Variants in TRAPPC8 observed in about 807,000 individuals in gnomAD.
TRAPPC8 encodes trafficking protein particle complex subunit 8.
In TRAPPC8, 54 loss-of-function variants were observed where a neutral mutation model predicts 174.3. The ratio of observed to expected loss-of-function variants is 0.31; its 90% CI spans 0.25 to 0.39. The LOEUF (loss-of-function observed/expected upper bound fraction) is 0.39, where lower values mean the gene tolerates loss of function less well. Ranked by LOEUF, TRAPPC8 falls within the 10% of genes least tolerant of loss-of-function variation. The pLI is 1.00. For synonymous variants in TRAPPC8, 630 were observed against 579.9 expected, an observed-to-expected ratio of 1.09 and a Z score of -1.24; for missense variants, 1,531 against 1,699.1, an observed-to-expected ratio of 0.90 and a Z score of 1.74.
intron 11 of TRAPPC8, among the ~76,000 whole-genome samples, chr18:31,894,129 A>T (rs2036086163): frequency 6.6e-6 from 1 of 152,104 alleles, no homozygotes; most frequent in South Asian, 2.1e-4. Context: ...CAAAATTTTG[A>T]CTCTTGCATG....
chr18:31,863,722 G>C (rs1371178214), intron 19 of TRAPPC8, among the ~76,000 whole-genome samples: 2 of 152,094 alleles, frequency 1.3e-5, no homozygotes, highest in Non-Finnish European at 2.9e-5. Flanking sequence ...TTGAGGATGT[G>C]GGAGGAAGGG....
At chr18:31,890,357 A>AT (rs886807094) in intron 12 of TRAPPC8, among the ~76,000 whole-genome samples, 3 of 152,192 alleles carry the variant, frequency 2.0e-5, no homozygotes, top group South Asian at 2.1e-4. Flanking sequence ...AAAGAGCAGG[A>AT]TTTTTTTAAA....
In TRAPPC8 at chr18:31,908,408, C is replaced by T; in HGVS notation, c.1133G>A (p.Arg378Lys). The stretch of plus-strand genomic sequence containing the variant: ...AAATAGAGATCGACTCAAACCTTTT[C>T]TTGATATTAGCTTTAAAAAAGAGAT... ...IRQLNDQLISRKGLSRSLFSA... is the reference protein window; with the variant it reads ...IRQLNDQLISKKGLSRSLFSA... The change falls in exon 8 of 29, where the codon AGA (arginine) becomes AAA (lysine). Residue 378 changes from arginine (R) to lysine (K), a missense_variant. Coordinates refer to ENST00000283351, the MANE Select transcript of TRAPPC8 (RefSeq NM_014939.5). 2 of 1,577,202 alleles carry T rather than the reference C, an allele frequency of 1.3e-6. No homozygotes were observed. Among genetic ancestry groups the T allele is most frequent in the Middle Eastern group, 3.4e-4 (2 of 5,908 alleles).
intron 12 of TRAPPC8, among the ~76,000 whole-genome samples, chr18:31,878,772 G>A (rs74445579): frequency 2.9e-3 from 448 of 152,178 alleles, no homozygotes; most frequent in African/African-American, 9.2e-3. Context: ...AAGTCAAGGG[G>A]TGGAGAAAGA....
At position 31,900,965 on chromosome 18, in the gene TRAPPC8, A is replaced by G; in HGVS notation, c.1450T>C (p.Tyr484His). ...TATGTCTGAATTGCTGTATCCATGTAATGAGCAGGATATGGCCTAGGTGCT... is the reference window on the plus strand; with the variant it reads ...TATGTCTGAATTGCTGTATCCATGTGATGAGCAGGATATGGCCTAGGTGCT... ...PGAPRPYPAHYMDTAIQTYRD... is the reference protein window; with the variant it reads ...PGAPRPYPAHHMDTAIQTYRD... Residue 484 changes from tyrosine (Y) to histidine (H), a missense_variant, in exon 10 of 29, where the codon TAC becomes CAC. Coordinates refer to ENST00000283351, the MANE Select transcript of TRAPPC8 (RefSeq NM_014939.5). The G allele has an allele frequency of 6.3e-7, 1 of 1,595,148 alleles. No homozygotes were observed. Among genetic ancestry groups the G allele is most frequent in the Non-Finnish European group, 8.5e-7 (1 of 1,174,906 alleles).
intron 1 of TRAPPC8, among the ~76,000 whole-genome samples, chr18:31,940,655 C>A (rs983443747): frequency 1.3e-5 from 2 of 151,832 alleles, no homozygotes; most frequent in African/African-American, 4.8e-5. Context: ...CCCACCACCA[C>A]GCCCAGCTAA....
chr18:31,883,887 CTG>C (rs1251142688), intron 12 of TRAPPC8, among the ~76,000 whole-genome samples: 3 of 152,126 alleles, frequency 2.0e-5, no homozygotes, highest in African/African-American at 7.2e-5. Context: ...ATAATAATGA[CTG>C]TGAAAAACCA....
In TRAPPC8 at chr18:31,934,437, T is replaced by TTAAA. The variant is rs1474723602; in HGVS notation, c.158-2918_158-2915dup. 5.3e-5 allele frequency among the ~76,000 whole-genome samples: 8 copies of TTAAA among 152,250 alleles called. No homozygotes were observed. In the East Asian group the frequency reaches 1.5e-3, roughly 29 times the overall value. On this transcript the variant is annotated intron_variant, in intron 1 of 28. Transcript: ENST00000283351. ...TTCTATAACTGTTATGTTTTCTAAC[T>TTAAA]TAAATAAACATACCAGCCTCTCTCC...
At chr18:31,865,685 T>C (rs1445561158) in intron 18 of TRAPPC8, among the ~76,000 whole-genome samples, 3 of 151,814 alleles carry the variant, frequency 2.0e-5, no homozygotes, top group South Asian at 4.1e-4. Context: ...AACCATAAAT[T>C]TGTGTACTAG....
At chr18:31,893,794 CTAT>C (rs1363220575) in intron 11 of TRAPPC8, among the ~76,000 whole-genome samples, 1 of 152,022 alleles carries the variant, frequency 6.6e-6, no homozygotes, top group African/African-American at 2.4e-5. Flanking sequence ...TTTCTTAAGT[CTAT>C]TCTTAGCACA....
At chr18:31,904,964 A>G (rs1161775462) in intron 9 of TRAPPC8, among the ~76,000 whole-genome samples, 1 of 151,352 alleles carries the variant, frequency 6.6e-6, no homozygotes, top group Non-Finnish European at 1.5e-5. Flanking sequence ...CAGGAGGTGG[A>G]GGATGCAGTG....
chr18:31,892,819 G>A (rs947352085), intron 11 of TRAPPC8, among the ~76,000 whole-genome samples: 6 of 151,974 alleles, frequency 3.9e-5, no homozygotes, highest in Non-Finnish European at 7.4e-5. Context: ...GAGCCAAAGC[G>A]TTCAAGACCA....
intron 27 of TRAPPC8, among the ~76,000 whole-genome samples, chr18:31,836,556 G>A (rs974008237): frequency 2.6e-5 from 4 of 152,068 alleles, no homozygotes; most frequent in Admixed American, 2.6e-4. Context: ...TAGAAGATTG[G>A]GTTAAAATGA....
chr18:31,880,090 A>ATATATATATAT (rs1555668934), intron 12 of TRAPPC8, among the ~76,000 whole-genome samples: 1 of 85,356 alleles, frequency 1.2e-5, no homozygotes. Flanking sequence ...TGAAAAAAAA[A>ATATATATATAT]ATATATATAT....
intron 2 of TRAPPC8, among the ~76,000 whole-genome samples, chr18:31,919,403 C>A (rs941927058): frequency 1.3e-5 from 2 of 151,548 alleles, no homozygotes; most frequent in African/African-American, 4.9e-5. Context: ...CATGGTGGCG[C>A]CCTTGTGCAA....
intron 12 of TRAPPC8, among the ~76,000 whole-genome samples, chr18:31,889,932 C>T (rs1292109682): frequency 2.0e-5 from 3 of 152,090 alleles, no homozygotes; most frequent in African/African-American, 4.8e-5. Context: ...TTAGCACAGA[C>T]TTAGAAAAAT....
rs192874768 is a variant in TRAPPC8, at chr18:31,857,841, T to C, written c.2887A>G (p.Asn963Asp). Residue 963 changes from asparagine (N) to aspartate (D), a missense_variant, in exon 20 of 29, where the codon AAT (asparagine) becomes GAT (aspartate). Asn to Asp is a conservative substitution (Grantham distance 23). Transcript: ENST00000283351. ...CTTAGTGGTGTTAGAACAGCAGTAT[T>C]ACCACCGAAAGTAAAGAACTCTGGA... ...KRPEFFTFGGNTAVLTPLSPS... is the reference protein window; with the variant it reads ...KRPEFFTFGGDTAVLTPLSPS... The C allele has an allele frequency of 1.9e-6, 3 of 1,614,198 alleles. No homozygotes were observed. The highest frequency in any genetic ancestry group is 1.1e-5 in the South Asian group (1 of 91,080).
chr18:31,916,382 T>TTC lies in TRAPPC8; in HGVS notation c.505_506dup (p.Gln170AsnfsTer31). ...CACTGTTGTGCTGAATTCGATGCTGTTCTTGTGACAACTTTGAAAACTGTT... is the reference window on the plus strand; with the variant it reads ...CACTGTTGTGCTGAATTCGATGCTGTTCTCTTGTGACAACTTTGAAAACTGTT... On this transcript the variant is annotated frameshift_variant, in exon 4 of 29. Transcript: ENST00000283351. LOFTEE classifies it high-confidence loss of function. The TTC allele has an allele frequency of 6.2e-7, 1 of 1,613,990 alleles. No individual in the cohort carries two copies. The highest frequency in any genetic ancestry group is 8.5e-7 in the Non-Finnish European group (1 of 1,179,944).
At chr18:31,846,143 T>C (rs111343328) in intron 26 of TRAPPC8, among the ~76,000 whole-genome samples, 1 of 152,214 alleles carries the variant, frequency 6.6e-6, no homozygotes, top group Non-Finnish European at 1.5e-5. Flanking sequence ...ATGGAATGTA[T>C]GTGAGGAAAC....
Sources: allele counts gnomAD v4.1 joint callset (sites outside exome capture counted in the v4.1 genomes callset), GRCh38; gene constraint gnomAD v4.1.1; transcripts MANE v1.5; gene names NCBI Gene and HGNC (gene_info 2026-07-23, HGNC 2026-07-21).